The following ODAD1 variants were observed in gnomAD, a reference collection of about 807,000 sequenced individuals.
ODAD1 encodes the protein outer dynein arm docking complex subunit 1.
ODAD1 carries 49 observed loss-of-function variants against 67.2 expected under a neutral mutation model. That is an observed-to-expected ratio of 0.73 (90% CI 0.58 to 0.92). ODAD1 has a LOEUF of 0.92. Ranked by LOEUF, ODAD1 falls within the 40% of genes least tolerant of loss-of-function variation. The pLI, the probability that ODAD1 is intolerant of heterozygous loss-of-function variation, is 0.00. For missense variants in ODAD1, 897 were observed against 953.7 expected (o/e 0.94, Z 0.78); for synonymous variants, 345 against 393.7 (o/e 0.88, Z 1.46).
chr19:48,320,612 C>T lies in ODAD1; in HGVS notation c.-24+160G>A. 2.8e-5 allele frequency: 5 copies of T among 178,164 alleles called. 1 individual carries two copies. The South Asian group carries it at 3.7e-4, about 13-fold the overall frequency. The allele number at this position is 178,164 out of a possible 1,614,324, so 11.0% of individuals were successfully genotyped here. A position where few individuals can be genotyped will look rare whatever the true frequency, so the allele number is the denominator to read the frequency against. ...CACTCTGGGTCTTGCGTCTAGGCTC[C>T]GATTCTGGCGCGGGTTTGGCAGGGG... On this transcript the variant is annotated intron_variant, in intron 2 of 15. Coordinates refer to ENST00000674294, the MANE Select transcript of ODAD1 (RefSeq NM_001364171.2).
At chr19:48,318,657 T>G in intron 4 of ODAD1, 56 bp downstream of exon 4, 1 of 1,532,482 alleles carries the variant, frequency 6.5e-7, no homozygotes, top group Non-Finnish European at 8.8e-7. Context: ...AGGAGTCCAG[T>G]CTTCAGCCCC....
chr19:48,316,789 C>T (rs1469401427), intron 5 of ODAD1, among the ~76,000 whole-genome samples: 2 of 152,026 alleles, frequency 1.3e-5, no homozygotes, highest in Admixed American at 6.6e-5. Flanking sequence ...CCTGAGGCCA[C>T]GAGTTTGAGA....
intron 7 of ODAD1, among the ~76,000 whole-genome samples, chr19:48,306,575 G>C (rs923203517): frequency 6.6e-6 from 1 of 152,142 alleles, no homozygotes; most frequent in African/African-American, 2.4e-5. Context: ...ACGGGGACTG[G>C]GTGGAAATGA....
intron 5 of ODAD1, among the ~76,000 whole-genome samples, chr19:48,315,908 C>G (rs865998279): frequency 6.6e-6 from 1 of 152,290 alleles, no homozygotes; most frequent in East Asian, 1.9e-4. Context: ...CTCGTCCACT[C>G]GACCACCGAT....
chr19:48,304,974 T>C (rs1169867861), intron 8 of ODAD1, among the ~76,000 whole-genome samples: 1 of 152,218 alleles, frequency 6.6e-6, no homozygotes, highest in African/African-American at 2.4e-5. Context: ...TACTAAATGC[T>C]GCTACATTCT....
chr19:48,317,125 C>T (rs985193411), intron 5 of ODAD1, among the ~76,000 whole-genome samples: 22 of 152,152 alleles, frequency 1.4e-4, no homozygotes, highest in Admixed American at 8.5e-4. Context: ...CCTCAAGACA[C>T]GCACCACTGT....
intron 5 of ODAD1, 123 bp from the exon 6 acceptor site, chr19:48,312,239 T>A: frequency 1.4e-6 from 1 of 700,670 alleles, no homozygotes. Flanking sequence ...CAGAATAACA[T>A]CTACCCTTCT....
At chr19:48,307,598 G>A (rs1043124427) in intron 7 of ODAD1, among the ~76,000 whole-genome samples, 2 of 152,040 alleles carry the variant, frequency 1.3e-5, no homozygotes, top group Admixed American at 6.6e-5. Flanking sequence ...GGCGGATCAC[G>A]AGGTCAGGAG....
chr19:48,307,968 G>C (rs1488504189), intron 7 of ODAD1, among the ~76,000 whole-genome samples: 7 of 152,160 alleles, frequency 4.6e-5, no homozygotes, highest in Admixed American at 3.9e-4. Context: ...TCGTGTGCCA[G>C]AAAGTGAGGA....
rs1030487468 is a variant in ODAD1 at position 48,308,089 on chromosome 19, C to T, written c.598-1766G>A. Reference sequence around the variant, plus strand: ...TGAATATTAAAATGAATGGCAGTTACGGATCATCATCTATAAAGTCAGAAT... The same window carrying T: ...TGAATATTAAAATGAATGGCAGTTATGGATCATCATCTATAAAGTCAGAAT... On this transcript the variant is annotated intron_variant, in intron 7 of 15. Transcript: ENST00000674294. 2.9e-4 allele frequency among the ~76,000 whole-genome samples: 44 copies of T among 152,142 alleles called. 1 individual carries two copies. The highest frequency in any genetic ancestry group is 4.1e-4 in the South Asian group (2 of 4,822).
chr19:48,313,445 A>C (rs1001433528), intron 5 of ODAD1, among the ~76,000 whole-genome samples: 3 of 98,424 alleles, frequency 3.0e-5, no homozygotes, highest in African/African-American at 8.1e-5. Context: ...AAAAAAAAAA[A>C]ACCAAAAAAA....
Position 48,297,102 on chromosome 19 carries a change from C to T in ODAD1, c.1998G>A (p.Val666=). The change falls in exon 16 of 16, where the codon GTG becomes GTA. Residue 666 remains valine, a synonymous_variant. Coordinates refer to ENST00000674294, the MANE Select transcript of ODAD1 (RefSeq NM_001364171.2). ...AATCAGACGCTGTGCCTCCGCTCTCCACACCACCCTCTGTGTTTTCTCCGC... is the reference window on the plus strand; with the variant it reads ...AATCAGACGCTGTGCCTCCGCTCTCTACACCACCCTCTGTGTTTTCTCCGC... ...SRGGENTEGG[V]ESGGTASDSS... 6.2e-7 allele frequency: 1 copy of T among 1,613,516 alleles called. No individual in the cohort carries two copies. The highest frequency in any genetic ancestry group is 8.5e-7 in the Non-Finnish European group (1 of 1,179,624).
At position 48,297,179 on chromosome 19, in the gene ODAD1, C is replaced by T. The variant is rs774257310; in HGVS notation, c.1921G>A (p.Val641Ile). ...SSGGHVTFRP[V>I]SASSYLGSTG... ...GAGCCCAGGTAGCTGCTGGCGCTGA[C>T]GGGTCTGAAGGTCACGTGGCCCCCA... Residue 641 changes from valine to isoleucine, a missense_variant, in exon 16 of 16, where the codon GTC becomes ATC. Transcript: ENST00000674294. The T allele has an allele frequency of 3.1e-5, 50 of 1,614,004 alleles. No individual in the cohort carries two copies. The highest frequency in any genetic ancestry group is 4.0e-5 in the African/African-American group (3 of 74,942).
At position 48,303,746 on chromosome 19, in the gene ODAD1, C is replaced by A. The variant is rs1439425880; in HGVS notation, c.892G>T (p.Glu298Ter). The change falls in exon 10 of 16, where the codon GAG becomes TAG. Residue 298 changes from glutamate (E) to a stop codon, truncating the protein, a stop_gained. Transcript: ENST00000674294. LOFTEE classifies it high-confidence loss of function. ...TCCTCGTAGCAAAGCACCAGCCTCT[C>A]CTGGGAGGTCTTCCAGACGCCCTCG... ...VAEGVWKTSQ[E>*]RLVLCYEDAL... 6.2e-7 allele frequency: 1 copy of A among 1,613,598 alleles called. No homozygotes were observed.
chr19:48,321,894 C>T lies in ODAD1; in HGVS notation c.-280G>A, dbSNP rs1015114465. The T allele has an allele frequency of 1.0e-5, 4 of 398,086 alleles. No homozygotes were observed. The highest frequency in any genetic ancestry group is 8.2e-5 in the African/African-American group (4 of 48,636). 24.7% of individuals were successfully genotyped at this position (398,086 alleles called of 1,614,324 possible). A position where few individuals can be genotyped will look rare whatever the true frequency, so the allele number is the denominator to read the frequency against. ...TCAACACAGCCTCAGCGGTTCACTA[C>T]GCAAGCGCGACCAACGGCTTCCCGG... On this transcript the variant is annotated 5_prime_UTR_variant, in exon 1 of 16. Transcript: ENST00000674294.
chr19:48,321,937 T>C lies in ODAD1; in HGVS notation c.-323A>G, dbSNP rs1969037978. The C allele has an allele frequency of 7.6e-6, 3 of 395,774 alleles. No homozygotes were observed. The highest frequency in any genetic ancestry group is 2.6e-4 in the South Asian group (2 of 7,744). The allele number at this position is 395,774 out of a possible 1,614,324, so 24.5% of individuals were successfully genotyped here. ...CTTCCCGGGAAGCAGCCAAAAACGC[T>C]TGGCCGCCTACCACGTCCGCGCGCT... On this transcript the variant is annotated 5_prime_UTR_variant, in exon 1 of 16. Transcript: ENST00000674294.
rs10415825 is a variant in ODAD1, at chr19:48,296,961, T to C, written c.*15A>G. 308,368 of 1,569,652 alleles carry C rather than the reference T, an allele frequency of 0.2. 31,752 individuals carry two copies. Among genetic ancestry groups the C allele is most frequent in the African/African-American group, 0.29 (21,374 of 73,800 alleles). ...CAGAGAGCCAGGGCAGGGTGGGGGC[T>C]GCGTGCCCCTCGTGTTAGCCCCGGG... On this transcript the variant is annotated 3_prime_UTR_variant, in exon 16 of 16. Coordinates refer to ENST00000674294, the MANE Select transcript of ODAD1 (RefSeq NM_001364171.2).
chr19:48,316,389 A>AC (rs1968900046), intron 5 of ODAD1, among the ~76,000 whole-genome samples: 2 of 151,710 alleles, frequency 1.3e-5, no homozygotes. Context: ...AAAAAAAAAA[A>AC]ACAAACCTGC....
At chr19:48,305,645 A>AT (rs1182548977) in intron 8 of ODAD1, among the ~76,000 whole-genome samples, 1 of 151,924 alleles carries the variant, frequency 6.6e-6, no homozygotes, top group African/African-American at 2.4e-5. Context: ...AGCTCAAGCA[A>AT]TCTGCCTGCC....
Sources: allele counts gnomAD v4.1 joint callset (sites outside exome capture counted in the v4.1 genomes callset), GRCh38; gene constraint gnomAD v4.1.1; transcripts MANE v1.5; gene names NCBI Gene and HGNC (gene_info 2026-07-23, HGNC 2026-07-21).